Variants in EPHX2 observed in about 807,000 individuals in gnomAD.
EPHX2 encodes epoxide hydrolase 2.
Under a neutral mutation model 78.7 loss-of-function variants are expected in EPHX2, and 74 were observed. The observed-to-expected ratio is 0.94, with a 90% CI of 0.78 to 1.14. EPHX2 has a LOEUF of 1.14. Ranked by LOEUF, EPHX2 falls within the 50% of genes most tolerant of loss-of-function variation. The probability of loss-of-function intolerance (pLI) is 0.00; values close to 1 mark genes in which losing one functional copy is unlikely to be tolerated. For synonymous variants in EPHX2, 251 were observed against 255.2 expected, an observed-to-expected ratio of 0.98 and a Z score of 0.16; for missense variants, 715 against 702.5, an observed-to-expected ratio of 1.02 and a Z score of -0.20.
intron 10 of EPHX2, among the ~76,000 whole-genome samples, 158 bp from the exon 11 acceptor site, chr8:27,522,265 G>A (rs1303817354): frequency 1.3e-5 from 2 of 152,182 alleles, no homozygotes; most frequent in Non-Finnish European, 2.9e-5. Context: ...GTCTGTGGCT[G>A]GTGGAGGGAG....
rs373190229 is a variant in EPHX2 at position 27,541,592 on chromosome 8, C to T, written c.1449+50C>T. The T allele has an allele frequency of 2.1e-4, 334 of 1,602,420 alleles. 2 individuals carry two copies. The African/African-American group carries it at 3.6e-3, about 17-fold the overall frequency. Reference sequence around the variant, plus strand: ...TCATCCACACCCCAGGACCCGCCCGCGGGGCTTCCCATTGGCCTGAGCTGA... The same window carrying T: ...TCATCCACACCCCAGGACCCGCCCGTGGGGCTTCCCATTGGCCTGAGCTGA... On this transcript the variant is annotated intron_variant, in intron 16 of 18. Transcript: ENST00000521400.
chr8:27,536,347 G>A (rs535085391), intron 12 of EPHX2, among the ~76,000 whole-genome samples: 7 of 152,246 alleles, frequency 4.6e-5, no homozygotes, highest in East Asian at 1.9e-4. Flanking sequence ...TCAATATAGC[G>A]AAATTTAGAT....
chr8:27,546,756 A>G (rs1815583020), downstream of EPHX2, among the ~76,000 whole-genome samples: 1 of 152,238 alleles, frequency 6.6e-6, no homozygotes, highest in South Asian at 2.1e-4. Context: ...ACTCCATTCC[A>G]TAGCATTGCC....
At chr8:27,501,324 T>TTCTTCTTCTTCTTCTTC (rs1813761423) in intron 2 of EPHX2, among the ~76,000 whole-genome samples, 1 of 102,914 alleles carries the variant, frequency 9.7e-6, no homozygotes, top group Non-Finnish European at 2.0e-5. Flanking sequence ...TGCTATATAT[T>TTCTTCTTCTTCTTCTTC]TTCTTCTTCT....
At chr8:27,526,102 C>T (rs759986637) in intron 12 of EPHX2, among the ~76,000 whole-genome samples, 1 of 152,182 alleles carries the variant, frequency 6.6e-6, no homozygotes, top group African/African-American at 2.4e-5. Flanking sequence ...AAGATGTTTC[C>T]TGCACACTCC....
chr8:27,500,266 T>A (rs1333547268), intron 1 of EPHX2, among the ~76,000 whole-genome samples: 1 of 152,132 alleles, frequency 6.6e-6, no homozygotes, highest in East Asian at 1.9e-4. Flanking sequence ...TCTCTCTTCC[T>A]CCTGCTCCAA....
At chr8:27,522,174 A>G (rs72475881) in intron 10 of EPHX2, among the ~76,000 whole-genome samples, 9 of 152,338 alleles carry the variant, frequency 5.9e-5, no homozygotes, top group African/African-American at 2.2e-4. Flanking sequence ...ATTTGAGAGA[A>G]GGTAGAGAGG....
chr8:27,516,649 A>G (rs1384711859), intron 8 of EPHX2, among the ~76,000 whole-genome samples: 1 of 152,132 alleles, frequency 6.6e-6, no homozygotes, highest in Non-Finnish European at 1.5e-5. Context: ...CCCACTGATC[A>G]TGGGGGATGG....
chr8:27,540,664 G>A lies in EPHX2; in HGVS notation c.1379+8G>A. ...CAAGAAGTCTGGTTTCAGGTAAAGAGAGCACAGGGCCCAGACACAGATGAG... is the reference window on the plus strand; with the variant it reads ...CAAGAAGTCTGGTTTCAGGTAAAGAAAGCACAGGGCCCAGACACAGATGAG... On this transcript the variant is annotated splice_region_variant and intron_variant, in intron 15 of 18. Transcript: ENST00000521400. 1.2e-6 allele frequency: 2 copies of A among 1,612,544 alleles called. No homozygotes were observed. The highest frequency in any genetic ancestry group is 1.7e-6 in the Non-Finnish European group (2 of 1,178,632).
intron 14 of EPHX2, chr8:27,539,049 T>G: frequency 4.5e-6 from 1 of 220,798 alleles, no homozygotes; most frequent in Middle Eastern, 1.6e-3. Flanking sequence ...GTGGGGCCCC[T>G]GCCCAGGTCT....
intron 12 of EPHX2, among the ~76,000 whole-genome samples, chr8:27,534,926 G>A (rs1815162835): frequency 6.6e-6 from 1 of 152,208 alleles, no homozygotes; most frequent in South Asian, 2.1e-4. Context: ...TGGGTCCGGT[G>A]TTGAAGGCCA....
At chr8:27,495,419 G>C (rs974912456) in intron 1 of EPHX2, among the ~76,000 whole-genome samples, 1 of 152,140 alleles carries the variant, frequency 6.6e-6, no homozygotes, top group African/African-American at 2.4e-5. Context: ...ATAGGTTAAG[G>C]TCAGGATTAG....
At chr8:27,504,790 G>A (rs2132722678) in intron 3 of EPHX2, among the ~76,000 whole-genome samples, 166 bp from the exon 4 acceptor site, 1 of 152,230 alleles carries the variant, frequency 6.6e-6, no homozygotes, top group Middle Eastern at 3.4e-3. Flanking sequence ...GGTGTTCATG[G>A]GTCAAGATGA....
At chr8:27,508,546 G>C (rs1032195846) in intron 5 of EPHX2, among the ~76,000 whole-genome samples, 4 of 152,194 alleles carry the variant, frequency 2.6e-5, no homozygotes, top group Non-Finnish European at 5.9e-5. Context: ...GGGAACCCAT[G>C]TGCTTGTGCC....
At chr8:27,513,541 G>A (rs1357936858) in intron 6 of EPHX2, among the ~76,000 whole-genome samples, 2 of 152,232 alleles carry the variant, frequency 1.3e-5, no homozygotes, top group Non-Finnish European at 2.9e-5. Flanking sequence ...AGAGCTGGCA[G>A]TGAATTTCTG....
At chr8:27,548,358 G>A (rs1458638015), downstream of EPHX2, among the ~76,000 whole-genome samples, 15 of 152,178 alleles carry the variant, frequency 9.9e-5, no homozygotes, top group Admixed American at 9.8e-4. Flanking sequence ...TTTTCCAACA[G>A]GAATTGGGTG....
chr8:27,505,168 G>A, intron 4 of EPHX2, 22 bp downstream of exon 4: 1 of 1,611,532 alleles, frequency 6.2e-7, no homozygotes, highest in Non-Finnish European at 8.5e-7. Context: ...CTTCCTTATG[G>A]CAGAGAAGGA....
chr8:27,524,974 G>C (rs1814771917), intron 11 of EPHX2, among the ~76,000 whole-genome samples: 1 of 132,084 alleles, frequency 7.6e-6, no homozygotes, highest in South Asian at 2.2e-4. Context: ...CACAATGAGT[G>C]AATAAAGGGA....
At position 27,544,702 on chromosome 8, in the gene EPHX2, G is replaced by A. The variant is rs1156931623; in HGVS notation, c.*180G>A. Reference sequence around the variant, plus strand: ...GTGAATCAAATTTGACATTATTTTAGATCCCAGAGAAATCAGGTGTGATTA... The same window carrying A: ...GTGAATCAAATTTGACATTATTTTAAATCCCAGAGAAATCAGGTGTGATTA... On this transcript the variant is annotated 3_prime_UTR_variant, in exon 19 of 19. Transcript: ENST00000521400. 6.3e-6 allele frequency: 4 copies of A among 638,056 alleles called. No individual in the cohort carries two copies. The highest frequency in any genetic ancestry group is 1.8e-5 in the African/African-American group (1 of 54,602). 39.5% of individuals were successfully genotyped at this position (638,056 alleles called of 1,614,324 possible). A position where few individuals can be genotyped will look rare whatever the true frequency, so the allele number is the denominator to read the frequency against.
Sources: allele counts gnomAD v4.1 joint callset (sites outside exome capture counted in the v4.1 genomes callset), GRCh38; gene constraint gnomAD v4.1.1; transcripts MANE v1.5; gene names NCBI Gene and HGNC (gene_info 2026-07-23, HGNC 2026-07-21).